Variants in NT5DC1 observed in about 807,000 individuals in gnomAD.
NT5DC1 encodes 5'-nucleotidase domain containing 1.
Under a neutral mutation model 59.4 loss-of-function variants are expected in NT5DC1, and 42 were observed. The observed-to-expected ratio is 0.71, with a 90% CI of 0.55 to 0.92. The LOEUF is 0.92. Among genes scored for constraint, NT5DC1 ranks in the 40% least tolerant of loss-of-function variants. The pLI is 0.00. For synonymous variants in NT5DC1, 172 were observed against 188.1 expected, an observed-to-expected ratio of 0.91 and a Z score of 0.70; for missense variants, 501 against 537.1, an observed-to-expected ratio of 0.93 and a Z score of 0.66.
At position 116,109,284 on chromosome 6, in the gene NT5DC1, C is replaced by T. The variant is rs145161388; in HGVS notation, c.257+849C>T. ...TGCAAACTCCCTTCACACTTTCCCC[C>T]GACCTTCCCCTAAGGTGCATCTACC... On this transcript the variant is annotated intron_variant, in intron 3 of 11. Transcript: ENST00000319550. 1.9e-4 allele frequency among the ~76,000 whole-genome samples: 29 copies of T among 152,320 alleles called. No individual in the cohort carries two copies. The East Asian group carries it at 4.2e-3, about 22-fold the overall frequency.
chr6:116,181,615 A>G (rs1780874408), intron 6 of NT5DC1, among the ~76,000 whole-genome samples: 2 of 152,094 alleles, frequency 1.3e-5, no homozygotes, highest in African/African-American at 4.8e-5. Context: ...TTTTCATTAC[A>G]TTAAAATCAG....
At chr6:116,217,785 G>A (rs1781715248) in intron 6 of NT5DC1, among the ~76,000 whole-genome samples, 1 of 152,058 alleles carries the variant, frequency 6.6e-6, no homozygotes. Context: ...CTTGCCTTTA[G>A]AAGTTTATAG....
intron 6 of NT5DC1, among the ~76,000 whole-genome samples, chr6:116,179,100 TAG>T (rs1008303996): frequency 6.6e-6 from 1 of 152,132 alleles, no homozygotes; most frequent in African/African-American, 2.4e-5. Flanking sequence ...TTAACATAAG[TAG>T]AGATATTTAG....
intron 6 of NT5DC1, among the ~76,000 whole-genome samples, chr6:116,148,678 A>G (rs1582835200): frequency 6.6e-6 from 1 of 152,172 alleles, no homozygotes; most frequent in African/African-American, 2.4e-5. Context: ...CAACGTCATT[A>G]ATAATTAAAA....
chr6:116,124,131 A>G (rs1685243601), intron 6 of NT5DC1, among the ~76,000 whole-genome samples: 2 of 152,106 alleles, frequency 1.3e-5, no homozygotes, highest in South Asian at 4.1e-4. Flanking sequence ...TTATTTTCAA[A>G]TATTAAGTTT....
At chr6:116,163,543 AT>A (rs1780394974) in intron 6 of NT5DC1, among the ~76,000 whole-genome samples, 1 of 151,912 alleles carries the variant, frequency 6.6e-6, no homozygotes, top group African/African-American at 2.4e-5. Flanking sequence ...TAGTCTATCA[AT>A]TTTTGTTTAT....
chr6:116,135,847 A>G (rs2064884), intron 6 of NT5DC1, among the ~76,000 whole-genome samples: 25,095 of 116,282 alleles, frequency 0.22, 2,918 homozygotes, highest in Middle Eastern at 0.35. Context: ...ATATATATAT[A>G]TATATATATA....
chr6:116,182,861 A>G (rs1780919183), intron 6 of NT5DC1, among the ~76,000 whole-genome samples: 2 of 151,246 alleles, frequency 1.3e-5, no homozygotes, highest in Admixed American at 1.3e-4. Context: ...TGCTGATTGT[A>G]TTTTTTGCTG....
intron 6 of NT5DC1, among the ~76,000 whole-genome samples, chr6:116,207,834 C>T (rs1781488873): frequency 6.6e-6 from 1 of 151,936 alleles, no homozygotes; most frequent in Middle Eastern, 3.2e-3. Context: ...GCTTTCTTTA[C>T]TCTGTGCCTC....
intron 2 of NT5DC1, among the ~76,000 whole-genome samples, chr6:116,107,196 T>G (rs1034737353): frequency 6.7e-6 from 1 of 149,026 alleles, no homozygotes; most frequent in Non-Finnish European, 1.5e-5. Flanking sequence ...TCAATAACAA[T>G]ACTAAACCAC....
At chr6:116,228,237 G>A (rs1020314407) in intron 8 of NT5DC1, among the ~76,000 whole-genome samples, 3 of 152,150 alleles carry the variant, frequency 2.0e-5, no homozygotes, top group African/African-American at 4.8e-5. Flanking sequence ...GGCCGGGAGC[G>A]GTGGCTCACG....
At chr6:116,114,915 A>G (rs1468137535) in intron 4 of NT5DC1, among the ~76,000 whole-genome samples, 1 of 152,200 alleles carries the variant, frequency 6.6e-6, no homozygotes, top group Non-Finnish European at 1.5e-5. Context: ...TTTGGGAGAA[A>G]GAGAATCGAC....
At chr6:116,103,470 C>T (rs754173830) in intron 1 of NT5DC1, among the ~76,000 whole-genome samples, 5 of 151,866 alleles carry the variant, frequency 3.3e-5, no homozygotes, top group South Asian at 2.1e-4. Flanking sequence ...GTATGGTGCC[C>T]GAAAACACAG....
chr6:116,136,081 T>C (rs972120717), intron 6 of NT5DC1, among the ~76,000 whole-genome samples: 4 of 152,020 alleles, frequency 2.6e-5, no homozygotes, highest in Non-Finnish European at 5.9e-5. Context: ...TTGAAAAACA[T>C]CTCCCTGTGA....
intron 6 of NT5DC1, among the ~76,000 whole-genome samples, chr6:116,218,590 T>C (rs1781733045): frequency 6.6e-6 from 1 of 152,196 alleles, no homozygotes; most frequent in Non-Finnish European, 1.5e-5. Context: ...TTTCTTAAAC[T>C]GACCTTTTCT....
chr6:116,211,966 A>G (rs1350905786), intron 6 of NT5DC1, among the ~76,000 whole-genome samples: 1 of 152,072 alleles, frequency 6.6e-6, no homozygotes. Flanking sequence ...AGGCCTGTGT[A>G]TGGATTTTAG....
At chr6:116,135,872 T>TATACAC (rs368675402) in intron 6 of NT5DC1, among the ~76,000 whole-genome samples, 10 of 121,300 alleles carry the variant, frequency 8.2e-5, no homozygotes, top group African/African-American at 3.5e-4. Flanking sequence ...TATATATATA[T>TATACAC]ACACACATAC....
intron 6 of NT5DC1, among the ~76,000 whole-genome samples, chr6:116,149,881 A>G (rs1779994217): frequency 6.6e-6 from 1 of 152,240 alleles, no homozygotes; most frequent in Admixed American, 6.5e-5. Context: ...ACAAACCAGC[A>G]TTAGGACTTA....
chr6:116,156,300 T>G (rs1464102572), intron 6 of NT5DC1, among the ~76,000 whole-genome samples: 8 of 152,174 alleles, frequency 5.3e-5, no homozygotes, highest in Non-Finnish European at 1.0e-4. Context: ...ACTTTGTTTT[T>G]GGAGTTAAAA....
Sources: gnomAD v4.1 joint callset for allele counts (sites outside exome capture counted in the v4.1 genomes callset) on GRCh38, gnomAD v4.1.1 for gene constraint, MANE v1.5 for transcripts, NCBI Gene and HGNC (gene_info 2026-07-23, HGNC 2026-07-21) for gene names.